SMAD4: variants seen among roughly 807,000 people sequenced by gnomAD.
SMAD4 encodes MAD homolog 4.
In SMAD4, 7 loss-of-function variants were observed where a neutral mutation model predicts 63.2. The observed-to-expected ratio is 0.11, with a 90% CI of 0.06 to 0.21. The LOEUF is 0.21. Ranked by LOEUF, SMAD4 falls within the 10% of genes least tolerant of loss-of-function variation. The pLI is 1.00. For missense variants in SMAD4, 312 were observed against 693.8 expected, an observed-to-expected ratio of 0.45 and a Z score of 6.18; for synonymous variants, 215 against 235.4, an observed-to-expected ratio of 0.91 and a Z score of 0.79.
intron 1 of SMAD4, among the ~76,000 whole-genome samples, chr18:51,036,877 G>C (rs1909220792): frequency 6.6e-6 from 1 of 152,214 alleles, no homozygotes; most frequent in South Asian, 2.1e-4. Flanking sequence ...ATGAAATGAG[G>C]CCGGGTGCGG....
chr18:51,074,551 A>G (rs1346602731), intron 10 of SMAD4, among the ~76,000 whole-genome samples: 34 of 152,144 alleles, frequency 2.2e-4, no homozygotes, highest in Admixed American at 2.2e-3. Context: ...TGATTGTAAC[A>G]ATTGTGCCAC....
At position 51,061,628 on chromosome 18, in the gene SMAD4, ACTCATTC is replaced by A. The variant is rs548501791; in HGVS notation, c.955+1717_955+1723del. On this transcript the variant is annotated intron_variant, in intron 8 of 11. Transcript: ENST00000342988. The stretch of plus-strand genomic sequence containing the variant: ...ATAATACAGGAAGTTCCCCCATTGT[ACTCATTC>A]CTCAGTTTCAGCCATTATCAAGTAA... Among the ~76,000 whole-genome samples the A allele has an allele frequency of 1.1e-3, 173 of 152,214 alleles. 1 individual carries two copies. Among genetic ancestry groups the A allele is most frequent in the African/African-American group, 3.7e-3 (154 of 41,536 alleles).
intron 10 of SMAD4, among the ~76,000 whole-genome samples, chr18:51,068,570 T>C (rs1162825536): frequency 6.6e-6 from 1 of 152,144 alleles, no homozygotes; most frequent in Admixed American, 6.5e-5. Flanking sequence ...AATAAAGCAA[T>C]AAAGTATTAT....
chr18:51,079,277 A>G lies in SMAD4; in HGVS notation c.*810A>G, dbSNP rs1343336534. 4.3e-6 allele frequency: 1 copy of G among 233,300 alleles called. No homozygotes were observed. The highest frequency in any genetic ancestry group is 8.5e-6 in the Non-Finnish European group (1 of 117,898). 14.5% of individuals were successfully genotyped at this position (233,300 alleles called of 1,614,324 possible). A position where few individuals can be genotyped will look rare whatever the true frequency, so the allele number is the denominator to read the frequency against. Reference sequence around the variant, plus strand: ...CAAGGTTGGTTGCTAAGAAGCCTATAAGAGGAATTTCTTTTCCTTCATTCA... The same window carrying G: ...CAAGGTTGGTTGCTAAGAAGCCTATGAGAGGAATTTCTTTTCCTTCATTCA... On this transcript the variant is annotated 3_prime_UTR_variant, in exon 12 of 12. Transcript: ENST00000342988.
At chr18:51,034,183 G>A (rs767058655) in intron 1 of SMAD4, among the ~76,000 whole-genome samples, 18 of 151,504 alleles carry the variant, frequency 1.2e-4, no homozygotes, top group Admixed American at 5.3e-4. Context: ...TAGGGCAACG[G>A]TCTTTTCTTC....
chr18:51,039,151 ACAG>A (rs1205764113), intron 1 of SMAD4, among the ~76,000 whole-genome samples: 2 of 152,222 alleles, frequency 1.3e-5, no homozygotes, highest in African/African-American at 4.8e-5. Context: ...AGAGAGTTTG[ACAG>A]CTGCTGTTTT....
intron 1 of SMAD4, among the ~76,000 whole-genome samples, chr18:51,030,922 C>T (rs887195732): frequency 6.6e-6 from 1 of 152,120 alleles, no homozygotes; most frequent in African/African-American, 2.4e-5. Context: ...CTTTGTTGTT[C>T]TCAGTAGTTT....
chr18:51,053,640 A>C (rs1037365627), intron 4 of SMAD4: 3 of 152,152 alleles, frequency 2.0e-5, no homozygotes, highest in Non-Finnish European at 2.9e-5. Context: ...TGCACAATGG[A>C]TGATTATTAC....
intron 1 of SMAD4, among the ~76,000 whole-genome samples, chr18:51,043,419 ACATT>A: frequency 6.6e-6 from 1 of 152,318 alleles, no homozygotes; most frequent in Non-Finnish European, 1.5e-5. Context: ...AGAGATGTTA[ACATT>A]CAGTCATGCG....
At position 51,081,505 on chromosome 18, in the gene SMAD4, G is replaced by A. The variant is rs1228155883; in HGVS notation, c.*3038G>A. Reference sequence around the variant, plus strand: ...CTTTTTCCAGAAACATGGCTGTTTTGTATTGCTGTAACCACTAAATAGGTT... The same window carrying A: ...CTTTTTCCAGAAACATGGCTGTTTTATATTGCTGTAACCACTAAATAGGTT... On this transcript the variant is annotated 3_prime_UTR_variant, in exon 12 of 12. Coordinates refer to ENST00000342988, the MANE Select transcript of SMAD4 (RefSeq NM_005359.6). The A allele has an allele frequency of 3.0e-5, 7 of 231,306 alleles. No individual in the cohort carries two copies. Among genetic ancestry groups the A allele is most frequent in the Non-Finnish European group, 5.1e-5 (6 of 116,962 alleles). The allele number at this position is 231,306 out of a possible 1,614,324, so 14.3% of individuals were successfully genotyped here. A position where few individuals can be genotyped will look rare whatever the true frequency, so the allele number is the denominator to read the frequency against.
rs368378687 is a variant in SMAD4, at chr18:51,048,186, TCTTA to T, written c.250-496_250-493del. Among the ~76,000 whole-genome samples the T allele has an allele frequency of 1.8e-3, 271 of 152,296 alleles. 1 individual carries two copies. The highest frequency in any genetic ancestry group is 6.3e-3 in the African/African-American group (261 of 41,542). ...TTTATTTTATTTTTTTGAGACATGG[TCTTA>T]CTTTTGCCCAAGCTGGAGTGCAGTG... On this transcript the variant is annotated intron_variant, in intron 2 of 11. Coordinates refer to ENST00000342988, the MANE Select transcript of SMAD4 (RefSeq NM_005359.6).
chr18:51,045,128 G>A (rs893170871), intron 1 of SMAD4: 4 of 152,196 alleles, frequency 2.6e-5, no homozygotes, highest in Non-Finnish European at 4.4e-5. Flanking sequence ...AGAAAAGACT[G>A]AGGTAAAGAA....
intron 9 of SMAD4, 144 bp downstream of exon 9, chr18:51,065,750 T>C: frequency 4.8e-6 from 3 of 622,548 alleles, no homozygotes; most frequent in Non-Finnish European, 8.1e-6. Flanking sequence ...AACTCAGAAT[T>C]TGTAAGCACT....
chr18:51,034,357 C>T (rs1454731880), intron 1 of SMAD4, among the ~76,000 whole-genome samples: 2 of 152,008 alleles, frequency 1.3e-5, no homozygotes, highest in Non-Finnish European at 2.9e-5. Flanking sequence ...AGCGATTCCC[C>T]TGCCTCAGCC....
intron 10 of SMAD4, among the ~76,000 whole-genome samples, chr18:51,073,388 T>TATATATATATAAC (rs1417299090): frequency 1.6e-5 from 1 of 64,186 alleles, no homozygotes; most frequent in Non-Finnish European, 2.7e-5. Flanking sequence ...TATATATATA[T>TATATATATATAAC]ACACACACAC....
At chr18:51,042,547 A>G (rs913013217) in intron 1 of SMAD4, among the ~76,000 whole-genome samples, 1 of 151,146 alleles carries the variant, frequency 6.6e-6, no homozygotes, top group African/African-American at 2.4e-5. Context: ...AATTTTTTGT[A>G]TTTTTTGTAG....
chr18:51,036,707 AAACT>A (rs1909216292), intron 1 of SMAD4, among the ~76,000 whole-genome samples: 2 of 152,180 alleles, frequency 1.3e-5, no homozygotes, highest in Non-Finnish European at 2.9e-5. Context: ...ATGCTTTGTA[AAACT>A]AACAGTACCT....
rs886053913 is a variant in SMAD4 at position 51,081,973 on chromosome 18, C to T, written c.*3506C>T. On this transcript the variant is annotated 3_prime_UTR_variant, in exon 12 of 12. Transcript: ENST00000342988. ...TTATGCAGAGTCACATTAGTTCACA[C>T]CCTTTCTGAGAGCCTTTTGGGAGAA... 6 of 231,778 alleles carry T rather than the reference C, an allele frequency of 2.6e-5. No homozygotes were observed. Among genetic ancestry groups the T allele is most frequent in the Non-Finnish European group, 4.3e-5 (5 of 117,300 alleles). 14.4% of individuals were successfully genotyped at this position (231,778 alleles called of 1,614,324 possible). A position where few individuals can be genotyped will look rare whatever the true frequency, so the allele number is the denominator to read the frequency against.
chr18:51,040,641 T>C (rs1035245909), intron 1 of SMAD4, among the ~76,000 whole-genome samples: 1 of 152,228 alleles, frequency 6.6e-6, no homozygotes, highest in Non-Finnish European at 1.5e-5. Context: ...GTATTCAGCC[T>C]GTTTAATTTT....
Sources: allele counts gnomAD v4.1 joint callset (sites outside exome capture counted in the v4.1 genomes callset), GRCh38; gene constraint gnomAD v4.1.1; transcripts MANE v1.5; gene names NCBI Gene and HGNC (gene_info 2026-07-23, HGNC 2026-07-21).